Variants in AMOTL1 observed in about 807,000 individuals in gnomAD.
AMOTL1 encodes the protein angiomotin-like protein 1.
Under a neutral mutation model 102.9 loss-of-function variants are expected in AMOTL1, and 45 were observed. The observed-to-expected ratio is 0.44, with a 90% CI of 0.34 to 0.56. The LOEUF is 0.56. Ranked by LOEUF, AMOTL1 falls within the 20% of genes least tolerant of loss-of-function variation. The pLI is 0.01. For synonymous variants in AMOTL1, 481 were observed against 484.7 expected, an observed-to-expected ratio of 0.99 and a Z score of 0.10; for missense variants, 1,114 against 1,225.6, an observed-to-expected ratio of 0.91 and a Z score of 1.36.
rs540970626 is a variant in AMOTL1 at position 94,724,648 on chromosome 11, C to T, written c.-50-4273C>T. ...TACGTTCATATACATGTCTCCTCCT[C>T]AAGTTTGAAAGCTACTTGAAGAAAG... On this transcript the variant is annotated intron_variant, in intron 1 of 4. Coordinates refer to the AMOTL1 transcript ENST00000299004. 2.0e-5 allele frequency among the ~76,000 whole-genome samples: 3 copies of T among 152,250 alleles called. No homozygotes were observed. In the South Asian group the frequency reaches 6.2e-4, roughly 32 times the overall value.
At chr11:94,856,549 G>A (rs891087306) in intron 8 of AMOTL1, among the ~76,000 whole-genome samples, 2 of 152,148 alleles carry the variant, frequency 1.3e-5, no homozygotes, top group African/African-American at 4.8e-5. Context: ...CGGGAAAGGG[G>A]ATCCAGGGCC....
chr11:94,729,618 C>T (rs961215111), intron 2 of AMOTL1, among the ~76,000 whole-genome samples: 6 of 152,146 alleles, frequency 3.9e-5, no homozygotes, highest in African/African-American at 1.4e-4. Flanking sequence ...TGACACAGAG[C>T]TGTGGTCCTC....
At chr11:94,830,017 A>G in intron 4 of AMOTL1, 33 bp from the exon 5 acceptor site, 2 of 1,557,364 alleles carry the variant, frequency 1.3e-6, no homozygotes, top group East Asian at 2.3e-5. Flanking sequence ...TGAATGTCAA[A>G]GGTACCACTT....
chr11:94,726,052 G>C (rs542170294), intron 1 of AMOTL1, among the ~76,000 whole-genome samples: 51 of 152,238 alleles, frequency 3.4e-4, no homozygotes, highest in Non-Finnish European at 6.3e-4. Flanking sequence ...GAAGCAGATG[G>C]ATTATTGAGA....
chr11:94,748,909 A>C (rs180679774), intron 3 of AMOTL1, among the ~76,000 whole-genome samples: 1 of 152,230 alleles, frequency 6.6e-6, no homozygotes, highest in Admixed American at 6.5e-5. Context: ...TCTGCTGCAC[A>C]TAACTATAGA....
Position 94,768,547 on chromosome 11 carries a change from G to C in AMOTL1, c.36G>C (p.Glu12Asp). ...WRAKLRRGTCEPAVKGSPSAC... is the reference protein window; with the variant it reads ...WRAKLRRGTCDPAVKGSPSAC... The stretch of plus-strand genomic sequence containing the variant: ...CAAAGTTGCGCCGGGGAACTTGTGA[G>C]CCTGCGGTGAAAGGTAACCAGCCCC... The change falls in exon 1 of 13, where the codon GAG (glutamate) becomes GAC (aspartate). Residue 12 changes from glutamate to aspartate, a missense_variant. Physicochemically the swap from Glu to Asp is conservative, Grantham distance 45. Transcript: ENST00000433060. 1 of 1,599,678 alleles carries C rather than the reference G, an allele frequency of 6.3e-7. No homozygotes were observed. Among genetic ancestry groups the C allele is most frequent in the Non-Finnish European group, 8.5e-7 (1 of 1,173,574 alleles).
At chr11:94,739,997 C>T (rs1950494435) in intron 2 of AMOTL1, among the ~76,000 whole-genome samples, 2 of 152,218 alleles carry the variant, frequency 1.3e-5, no homozygotes, top group South Asian at 4.1e-4. Context: ...CACTGCTCTT[C>T]TCTCCTCCCC....
chr11:94,768,337 G>A (rs1950883850), upstream of AMOTL1: 2 of 1,380,228 alleles, frequency 1.4e-6, no homozygotes, highest in Non-Finnish European at 1.9e-6. Flanking sequence ...GGGGAGCGGG[G>A]AGCGCGGACG....
At chr11:94,870,569 G>C in intron 12 of AMOTL1, 120 bp from the exon 13 acceptor site, 1 of 654,200 alleles carries the variant, frequency 1.5e-6, no homozygotes, top group Non-Finnish European at 2.6e-6. Context: ...CATCTCACAT[G>C]CCCTGTGGTG....
chr11:94,734,229 A>G (rs1950401535), intron 2 of AMOTL1, among the ~76,000 whole-genome samples: 1 of 152,170 alleles, frequency 6.6e-6, no homozygotes, highest in South Asian at 2.1e-4. Flanking sequence ...TGCTTAGGAT[A>G]ATGATTTTTT....
At position 94,863,592 on chromosome 11, in the gene AMOTL1, C is replaced by CA. The variant is rs113029538; in HGVS notation, c.2136-1131dup. Among the ~76,000 whole-genome samples the CA allele has an allele frequency of 1.1e-3, 149 of 132,520 alleles. 1 individual carries two copies. The highest frequency in any genetic ancestry group is 3.3e-3 in the African/African-American group (119 of 35,810). 86.9% of individuals were successfully genotyped at this position (132,520 alleles called of 152,430 possible). On this transcript the variant is annotated intron_variant, in intron 9 of 12. Coordinates refer to ENST00000433060, the MANE Select transcript of AMOTL1 (RefSeq NM_130847.3). ...GGGCAACAAGAATGAAACTCCATCT[C>CA]AAAAAAAAAAAAGTTTTTCAGTATG...
chr11:94,761,495 T>C (rs1194448394), intron 3 of AMOTL1, among the ~76,000 whole-genome samples: 2 of 152,144 alleles, frequency 1.3e-5, no homozygotes, highest in African/African-American at 4.8e-5. Flanking sequence ...GGCCCAGGAC[T>C]TTATTTTTTC....
At chr11:94,745,378 G>A (rs1950578262) in intron 3 of AMOTL1, among the ~76,000 whole-genome samples, 1 of 151,700 alleles carries the variant, frequency 6.6e-6, no homozygotes, top group South Asian at 2.1e-4. Flanking sequence ...TGAAGCTAAG[G>A]ACTTTCAGCC....
chr11:94,863,729 A>G (rs1364767211), intron 9 of AMOTL1, among the ~76,000 whole-genome samples: 1 of 152,262 alleles, frequency 6.6e-6, no homozygotes, highest in African/African-American at 2.4e-5. Flanking sequence ...ATCTTGAGCT[A>G]TATCACTTAG....
rs151145937 is a variant in AMOTL1 at position 94,783,770 on chromosome 11, A to G, written c.50-11241A>G. 3.3e-5 allele frequency among the ~76,000 whole-genome samples: 5 copies of G among 152,312 alleles called. No homozygotes were observed. In the East Asian group the frequency reaches 9.7e-4, roughly 29 times the overall value. ...TGATAGACTTTCAGATTTGGGTCTT[A>G]TATCTAGCACTGTCTTGCCCATGGC... On this transcript the variant is annotated intron_variant, in intron 1 of 12. Coordinates refer to ENST00000433060, the MANE Select transcript of AMOTL1 (RefSeq NM_130847.3).
intron 3 of AMOTL1, among the ~76,000 whole-genome samples, chr11:94,746,079 T>C (rs1239643213): frequency 6.6e-6 from 1 of 152,204 alleles, no homozygotes; most frequent in Non-Finnish European, 1.5e-5. Context: ...TATTGGCTCC[T>C]TGGGGGATTG....
intron 1 of AMOTL1, among the ~76,000 whole-genome samples, chr11:94,784,749 A>G (rs902721502): frequency 6.6e-6 from 1 of 152,204 alleles, no homozygotes; most frequent in African/African-American, 2.4e-5. Flanking sequence ...TTATATTGGC[A>G]GAGAAGTGCA....
At chr11:94,869,735 TC>T (rs1330409701) in intron 12 of AMOTL1, among the ~76,000 whole-genome samples, 2 of 152,134 alleles carry the variant, frequency 1.3e-5, no homozygotes, top group African/African-American at 4.8e-5. Context: ...AACTAACCTT[TC>T]CCCGGATGGA....
At chr11:94,790,040 T>C (rs1352463068) in intron 1 of AMOTL1, among the ~76,000 whole-genome samples, 38 of 152,158 alleles carry the variant, frequency 2.5e-4, no homozygotes, top group Admixed American at 2.5e-3. Flanking sequence ...ATTTGCTGCA[T>C]AGGGGAGAGT....
Sources: gnomAD v4.1 joint callset for allele counts (sites outside exome capture counted in the v4.1 genomes callset) on GRCh38, gnomAD v4.1.1 for gene constraint, MANE v1.5 for transcripts, NCBI Gene and HGNC (gene_info 2026-07-23, HGNC 2026-07-21) for gene names.